The following FAM120A variants were observed in gnomAD, a reference collection of about 807,000 sequenced individuals.
FAM120A encodes the protein constitutive coactivator of PPAR-gamma-like protein 1.
FAM120A carries 15 observed loss-of-function variants against 109.7 expected under a neutral mutation model. That is an observed-to-expected ratio of 0.14 (90% CI 0.09 to 0.21). FAM120A has a LOEUF of 0.21. Among genes scored for constraint, FAM120A ranks in the 10% least tolerant of loss-of-function variants. The pLI, the probability that FAM120A is intolerant of heterozygous loss-of-function variation, is 1.00. For missense variants in FAM120A, 899 were observed against 1,439.3 expected (o/e 0.62, Z 6.07); for synonymous variants, 493 against 572.8 (o/e 0.86, Z 1.99).
At position 93,452,612 on chromosome 9, in the gene FAM120A, C is replaced by T; in HGVS notation, c.474+223C>T. ...TCTCCAGCTGTCCCTGTTCGGGGTC[C>T]GCGGCCGCGTGGGGACACTTGAGGG... On this transcript the variant is annotated intron_variant, in intron 1 of 17. Coordinates refer to ENST00000277165, the MANE Select transcript of FAM120A (RefSeq NM_014612.5). The surrounding 1 kb of genome is among the most constrained non-coding windows in gnomAD (Gnocchi z 7.0). 2 of 1,599,048 alleles carry T rather than the reference C, an allele frequency of 1.3e-6. No homozygotes were observed. The highest frequency in any genetic ancestry group is 1.7e-4 in the Middle Eastern group (1 of 5,978).
In FAM120A at chr9:93,550,658, A is replaced by G. The variant is rs771724423; in HGVS notation, c.2241A>G (p.Lys747=). 17 of 1,613,272 alleles carry G rather than the reference A, an allele frequency of 1.1e-5. No individual in the cohort carries two copies. The highest frequency in any genetic ancestry group is 1.4e-5 in the Non-Finnish European group (16 of 1,179,930). ...TCCTGGCTCAGGCGCTGTCCCCCAAACTCTACGAGCCTGATCAGCTCCAGG... is the reference window on the plus strand; with the variant it reads ...TCCTGGCTCAGGCGCTGTCCCCCAAGCTCTACGAGCCTGATCAGCTCCAGG... ...DAFLAQALSP[K]LYEPDQLQEL... is the part of the protein sequence containing the mutation. The change falls in exon 12 of 18, where the codon AAA becomes AAG. Residue 747 remains lysine, a synonymous_variant. Coordinates refer to ENST00000277165, the MANE Select transcript of FAM120A (RefSeq NM_014612.5).
In FAM120A at chr9:93,452,195, G is replaced by C; in HGVS notation, c.280G>C (p.Val94Leu). Residue 94 changes from valine to leucine, a missense_variant, in exon 1 of 18, where the codon GTC becomes CTC. Val to Leu is a conservative substitution (Grantham distance 32). Around this residue, in one of 11 missense-constraint regions of FAM120A, gnomAD observed 258 missense variants for 451.4 expected, o/e 0.57. Coordinates refer to ENST00000277165, the MANE Select transcript of FAM120A (RefSeq NM_014612.5). The surrounding 1 kb of genome is among the most constrained non-coding windows in gnomAD (Gnocchi z 7.0). ...ACFGGNIELF[V>L]FFNGALEKAR... ...CTTCGGCGGCAACATCGAGCTCTTC[G>C]TCTTCTTCAACGGCGCGCTCGAGAA... is the stretch of plus-strand genomic sequence containing the variant. 1 of 1,611,926 alleles carries C rather than the reference G, an allele frequency of 6.2e-7. No homozygotes were observed. Among genetic ancestry groups the C allele is most frequent in the Non-Finnish European group, 8.5e-7 (1 of 1,179,794 alleles).
chr9:93,465,814 A>T (rs925514797), intron 1 of FAM120A, among the ~76,000 whole-genome samples: 2 of 151,898 alleles, frequency 1.3e-5, no homozygotes, highest in Admixed American at 6.6e-5. Flanking sequence ...CCTGGTCAGG[A>T]CCTCTAGTGT....
chr9:93,511,471 A>G (rs931782052), intron 5 of FAM120A, among the ~76,000 whole-genome samples: 1 of 152,068 alleles, frequency 6.6e-6, no homozygotes, highest in Non-Finnish European at 1.5e-5. Flanking sequence ...TCCTCTCCCT[A>G]TAGGATGGCC....
chr9:93,562,649 T>C (rs1226802452), intron 17 of FAM120A, among the ~76,000 whole-genome samples: 3 of 149,590 alleles, frequency 2.0e-5, no homozygotes, highest in Non-Finnish European at 2.9e-5. Context: ...TTCTTTTTTT[T>C]TCTTTCTTTC....
chr9:93,463,354 A>C (rs1857877706), intron 1 of FAM120A, among the ~76,000 whole-genome samples: 1 of 152,184 alleles, frequency 6.6e-6, no homozygotes, highest in African/African-American at 2.4e-5. Flanking sequence ...CACTGTACCC[A>C]ATTCTCATTT....
chr9:93,495,992 G>C (rs748198947), intron 3 of FAM120A, among the ~76,000 whole-genome samples: 10 of 152,164 alleles, frequency 6.6e-5, no homozygotes, highest in Non-Finnish European at 1.3e-4. Flanking sequence ...ATCTTCACCA[G>C]AAGTAGATTC....
At chr9:93,480,609 G>T (rs1858757732) in intron 3 of FAM120A, among the ~76,000 whole-genome samples, 1 of 152,012 alleles carries the variant, frequency 6.6e-6, no homozygotes, top group Non-Finnish European at 1.5e-5. Context: ...TATGTACCTG[G>T]AAGAGTTGAG....
chr9:93,520,939 T>C (rs1187367895), intron 7 of FAM120A, among the ~76,000 whole-genome samples: 1 of 152,250 alleles, frequency 6.6e-6, no homozygotes, highest in Non-Finnish European at 1.5e-5. Flanking sequence ...CTTTAATATC[T>C]TATTCAGCAT....
At position 93,556,430 on chromosome 9, in the gene FAM120A, A is replaced by G. The variant is rs1862284837; in HGVS notation, c.2323A>G (p.Ser775Gly). 8.1e-6 allele frequency: 13 copies of G among 1,614,236 alleles called. No homozygotes were observed. Among genetic ancestry groups the G allele is most frequent in the Non-Finnish European group, 1.0e-5 (12 of 1,180,046 alleles). Residue 775 changes from serine to glycine, a missense_variant, in exon 13 of 18, where the codon AGT becomes GGT. By Grantham distance (56) the Ser-to-Gly change is moderately conservative. This residue lies in a region of FAM120A where 52 missense variants were observed against 49.7 expected (regional missense o/e 1.05). Coordinates refer to ENST00000277165, the MANE Select transcript of FAM120A (RefSeq NM_014612.5). ...RGIQLSALFM[S>G]GVDMALFAND... ...AATTCAGCTATCAGCTCTCTTCATG[A>G]GTGGAGTAGACATGGCCTTGTTTGC...
intron 3 of FAM120A, among the ~76,000 whole-genome samples, chr9:93,495,438 A>G (rs1183999177): frequency 6.6e-6 from 1 of 152,226 alleles, no homozygotes; most frequent in East Asian, 1.9e-4. Context: ...GCACTTACCA[A>G]AGGGGACTCT....
At chr9:93,476,432 C>G in intron 3 of FAM120A, 94 bp downstream of exon 3, 1 of 827,880 alleles carries the variant, frequency 1.2e-6, no homozygotes, top group Middle Eastern at 2.2e-4. Context: ...ATTGGTGATG[C>G]TACAAAGTTA....
At chr9:93,521,582 TAA>T (rs1220512076) in intron 7 of FAM120A, among the ~76,000 whole-genome samples, 36 of 139,360 alleles carry the variant, frequency 2.6e-4, no homozygotes, top group Admixed American at 3.6e-4. Context: ...CCCTGTCTCT[TAA>T]AAAAAAAAAA....
At chr9:93,489,523 G>T (rs954531639) in intron 3 of FAM120A, among the ~76,000 whole-genome samples, 1 of 152,168 alleles carries the variant, frequency 6.6e-6, no homozygotes, top group African/African-American at 2.4e-5. Flanking sequence ...CTGCCTTTTC[G>T]TCCTAGGCTC....
rs1857364299 is a variant in FAM120A, at chr9:93,453,211, G to C, written c.474+822G>C. The C allele has an allele frequency of 4.5e-5, 45 of 1,004,702 alleles. No homozygotes were observed. The South Asian group carries it at 1.5e-3, about 33-fold the overall frequency. The allele number at this position is 1,004,702 out of a possible 1,614,324, so 62.2% of individuals were successfully genotyped here. On this transcript the variant is annotated intron_variant, in intron 1 of 17. Transcript: ENST00000277165. The stretch of plus-strand genomic sequence containing the variant: ...GCAGGATTTATTTTTCGGGTGCACA[G>C]TAAGTATTCAGTGACCTTCAGCGGT...
At chr9:93,518,682 G>A (rs994973874) in intron 7 of FAM120A, among the ~76,000 whole-genome samples, 3 of 152,170 alleles carry the variant, frequency 2.0e-5, no homozygotes, top group Non-Finnish European at 2.9e-5. Context: ...CGAGAGTGAG[G>A]AGCGGGGAAC....
chr9:93,559,673 A>G (rs1468127532), intron 15 of FAM120A, among the ~76,000 whole-genome samples: 4 of 151,814 alleles, frequency 2.6e-5, no homozygotes. Flanking sequence ...GCTCGCAGCC[A>G]TGTTTCCTCT....
chr9:93,486,517 CTTTTTCTTTTCT>C (rs1428256349), intron 3 of FAM120A, among the ~76,000 whole-genome samples: 4 of 148,984 alleles, frequency 2.7e-5, no homozygotes, highest in East Asian at 3.9e-4. Flanking sequence ...TTTTTTCTTT[CTTTTTCTTTTCT>C]TTTTTCTTTT....
rs1244277584 is a variant in FAM120A at position 93,498,003 on chromosome 9, GTCAGGGATTTTCTTCTTTTTTGGGGAA to G, written c.933+405_933+431del. Among the ~76,000 whole-genome samples, 1 of 152,230 alleles carries G rather than the reference GTCAGGGATTTTCTTCTTTTTTGGGGAA, an allele frequency of 6.6e-6. No individual in the cohort carries two copies. Among genetic ancestry groups the G allele is most frequent in the Non-Finnish European group, 1.5e-5 (1 of 68,042 alleles). On this transcript the variant is annotated intron_variant, in intron 4 of 17. Coordinates refer to ENST00000277165, the MANE Select transcript of FAM120A (RefSeq NM_014612.5). The surrounding 1 kb of genome is among the most constrained non-coding windows in gnomAD (Gnocchi z 4.4). ...ATTTGTCTGTTTTCTTCAGGTGATTGTCAGGGATTTTCTTCTTTTTTGGGGAAGTAGGTGTGCCAACAAGTTGGCATC... is the reference window on the plus strand; with the variant it reads ...ATTTGTCTGTTTTCTTCAGGTGATTGGTAGGTGTGCCAACAAGTTGGCATC...
Sources: gnomAD v4.1 joint callset for allele counts (sites outside exome capture counted in the v4.1 genomes callset) on GRCh38, gnomAD v4.1.1 for gene constraint, gnomAD v4.1.1 regional missense constraint, Gnocchi (gnomAD v3.1) non-coding constraint, MANE v1.5 for transcripts, NCBI Gene and HGNC (gene_info 2026-07-23, HGNC 2026-07-21) for gene names.